Variants in CDC123 observed in about 807,000 individuals in gnomAD.
CDC123 encodes translation initiation factor eIF2 assembly protein.
A neutral mutation model predicts 54.4 loss-of-function variants in CDC123; 37 were observed. The ratio of observed to expected loss-of-function variants is 0.68; its 90% CI spans 0.52 to 0.89. The LOEUF (loss-of-function observed/expected upper bound fraction) is 0.89, where lower values mean the gene tolerates loss of function less well. CDC123 is among the 40% of genes least tolerant of loss of function. The pLI is 0.00. For missense variants in CDC123, 361 were observed against 412.1 expected (o/e 0.88, Z 1.07); for synonymous variants, 144 against 136.8 (o/e 1.05, Z -0.37).
In CDC123 at chr10:12,210,032, C is replaced by G; in HGVS notation, c.204+8C>G. 1 of 1,613,340 alleles carries G rather than the reference C, an allele frequency of 6.2e-7. No homozygotes were observed. Among genetic ancestry groups the G allele is most frequent in the Middle Eastern group, 1.6e-4 (1 of 6,062 alleles). ...GAAGCAGAAGAAATACAGGTTGGTA[C>G]CAAATAAAATAATCTGTTCTGTAGA... On this transcript the variant is annotated splice_region_variant and intron_variant, in intron 3 of 12. Coordinates refer to ENST00000281141, the MANE Select transcript of CDC123 (RefSeq NM_006023.3).
intron 6 of CDC123, among the ~76,000 whole-genome samples, chr10:12,223,510 T>C (rs1835764226): frequency 6.6e-6 from 1 of 152,156 alleles, no homozygotes; most frequent in Non-Finnish European, 1.5e-5. Context: ...GGTCTTGAAC[T>C]CCTGACCTCA....
At chr10:12,196,735 A>G (rs531448299) in intron 1 of CDC123, among the ~76,000 whole-genome samples, 1 of 152,342 alleles carries the variant, frequency 6.6e-6, no homozygotes, top group Admixed American at 6.5e-5. Flanking sequence ...GTTCACAGAT[A>G]TGTCGTACAG....
In CDC123 at chr10:12,250,538, T is replaced by G; in HGVS notation, c.*201T>G. 3.2e-6 allele frequency: 2 copies of G among 629,098 alleles called. No individual in the cohort carries two copies. The highest frequency in any genetic ancestry group is 5.9e-6 in the Non-Finnish European group (2 of 340,616). The allele number at this position is 629,098 out of a possible 1,614,324, so 39.0% of individuals were successfully genotyped here. Reference sequence around the variant, plus strand: ...TAAAAATAACATAATAAATAGATCTTAAACATAGGAAAACCATACTGTTCT... The same window carrying G: ...TAAAAATAACATAATAAATAGATCTGAAACATAGGAAAACCATACTGTTCT... On this transcript the variant is annotated 3_prime_UTR_variant, in exon 13 of 13. Coordinates refer to ENST00000281141, the MANE Select transcript of CDC123 (RefSeq NM_006023.3).
At chr10:12,199,874 G>A (rs1435662477) in intron 2 of CDC123, among the ~76,000 whole-genome samples, 2 of 152,104 alleles carry the variant, frequency 1.3e-5, no homozygotes, top group African/African-American at 2.4e-5. Context: ...CCAGGCTGGA[G>A]TGCAGTGGCG....
intron 2 of CDC123, among the ~76,000 whole-genome samples, chr10:12,204,849 T>A (rs1169320404): frequency 6.6e-6 from 1 of 151,912 alleles, no homozygotes; most frequent in Non-Finnish European, 1.5e-5. Flanking sequence ...AAAAATTAGC[T>A]GGGCATGGTG....
At chr10:12,221,816 A>T (rs10906101) in intron 6 of CDC123, among the ~76,000 whole-genome samples, 123,398 of 151,642 alleles carry the variant, frequency 0.81, 53,814 homozygotes, top group Non-Finnish European at 0.98. Context: ...TTTTTAGCTC[A>T]TCAGCTATCA....
chr10:12,232,850 C>T (rs1835919799), intron 7 of CDC123, among the ~76,000 whole-genome samples: 1 of 151,468 alleles, frequency 6.6e-6, no homozygotes, highest in South Asian at 2.1e-4. Flanking sequence ...GTGGCGCCAT[C>T]TCCGGTTCAC....
At chr10:12,228,050 C>T (rs1305634004) in intron 6 of CDC123, among the ~76,000 whole-genome samples, 3 of 152,098 alleles carry the variant, frequency 2.0e-5, no homozygotes, top group Non-Finnish European at 2.9e-5. Flanking sequence ...ATCTTCCCGC[C>T]TCAGCCTTCT....
intron 6 of CDC123, among the ~76,000 whole-genome samples, chr10:12,218,160 A>G (rs904150171): frequency 1.3e-5 from 2 of 152,022 alleles, no homozygotes; most frequent in East Asian, 3.8e-4. Flanking sequence ...AATTCTATCT[A>G]TAGATAAATA....
chr10:12,218,991 A>G (rs1287440371), intron 6 of CDC123, among the ~76,000 whole-genome samples: 1 of 152,236 alleles, frequency 6.6e-6, no homozygotes, highest in Non-Finnish European at 1.5e-5. Context: ...TCTTTAAAGC[A>G]TATCCCAGAA....
chr10:12,241,100 C>A (rs1454365785), intron 10 of CDC123, among the ~76,000 whole-genome samples: 1 of 152,140 alleles, frequency 6.6e-6, no homozygotes, highest in African/African-American at 2.4e-5. Context: ...TTACACTCTT[C>A]AGGGTTTTTG....
intron 2 of CDC123, among the ~76,000 whole-genome samples, chr10:12,204,509 A>G (rs1346083904): frequency 2.0e-5 from 3 of 152,142 alleles, no homozygotes; most frequent in Non-Finnish European, 2.9e-5. Context: ...GTGGGTACAT[A>G]GTGTACATAT....
intron 10 of CDC123, among the ~76,000 whole-genome samples, chr10:12,242,115 T>C (rs1836066399): frequency 1.3e-5 from 2 of 152,318 alleles, no homozygotes; most frequent in South Asian, 2.1e-4. Flanking sequence ...AGCCCTCACA[T>C]ATCTCACACT....
chr10:12,227,851 G>A (rs529107517), intron 6 of CDC123, among the ~76,000 whole-genome samples: 37 of 152,142 alleles, frequency 2.4e-4, no homozygotes, highest in Non-Finnish European at 5.4e-4. Context: ...CTAGATACAT[G>A]TAGTACTTAT....
Position 12,250,478 on chromosome 10 carries a change from A to T in CDC123, c.*141A>T, listed in dbSNP as rs1063576. 2.7e-6 allele frequency: 2 copies of T among 727,912 alleles called. No individual in the cohort carries two copies. Among genetic ancestry groups the T allele is most frequent in the Non-Finnish European group, 5.1e-6 (2 of 393,362 alleles). 45.1% of individuals were successfully genotyped at this position (727,912 alleles called of 1,614,324 possible). A position where few individuals can be genotyped will look rare whatever the true frequency, so the allele number is the denominator to read the frequency against. ...CCACTTTTTATATTCATGTACATTC[A>T]CCTGGGGAAAAAAACGGAGGGACTT... On this transcript the variant is annotated 3_prime_UTR_variant, in exon 13 of 13. Coordinates refer to ENST00000281141, the MANE Select transcript of CDC123 (RefSeq NM_006023.3).
intron 12 of CDC123, chr10:12,250,034 A>G (rs886713081): frequency 1.5e-5 from 7 of 471,638 alleles, no homozygotes; most frequent in African/African-American, 1.2e-4. Flanking sequence ...TCTGGTGGTG[A>G]TTTTACTCAA....
At chr10:12,239,329 A>G (rs963012792) in intron 10 of CDC123, among the ~76,000 whole-genome samples, 1 of 152,172 alleles carries the variant, frequency 6.6e-6, no homozygotes, top group Non-Finnish European at 1.5e-5. Flanking sequence ...CTTACGTCCT[A>G]TGTCTCATTT....
At chr10:12,199,042 C>G (rs1835402579) in intron 2 of CDC123, among the ~76,000 whole-genome samples, 1 of 152,064 alleles carries the variant, frequency 6.6e-6, no homozygotes, top group South Asian at 2.1e-4. Flanking sequence ...ACAACTTTTC[C>G]TTCTGACGGT....
intron 1 of CDC123, among the ~76,000 whole-genome samples, chr10:12,197,108 T>G (rs1835364910): frequency 6.6e-6 from 1 of 152,230 alleles, no homozygotes; most frequent in African/African-American, 2.4e-5. Context: ...AGTTTCAAGT[T>G]CTTAAATAGT....
Sources: allele counts gnomAD v4.1 joint callset (sites outside exome capture counted in the v4.1 genomes callset), GRCh38; gene constraint gnomAD v4.1.1; transcripts MANE v1.5; gene names NCBI Gene and HGNC (gene_info 2026-07-23, HGNC 2026-07-21).